The following IL1RAPL2 variants were observed in gnomAD, a reference collection of about 807,000 sequenced individuals.
IL1RAPL2 encodes the protein interleukin 1 receptor accessory protein like 2.
A neutral mutation model predicts 44.1 loss-of-function variants in IL1RAPL2; 3 were observed. The ratio of observed to expected loss-of-function variants is 0.07; its 90% CI spans 0.03 to 0.18. The LOEUF (loss-of-function observed/expected upper bound fraction) is 0.18, where lower values mean the gene tolerates loss of function less well. Among genes scored for constraint, IL1RAPL2 ranks in the 10% least tolerant of loss-of-function variants. IL1RAPL2 has a pLI of 1.00. For missense variants in IL1RAPL2, 391 were observed against 496.4 expected, an observed-to-expected ratio of 0.79 and a Z score of 2.02; for synonymous variants, 181 against 178.8, an observed-to-expected ratio of 1.01 and a Z score of -0.10.
intron 2 of IL1RAPL2, among the ~76,000 whole-genome samples, chrX:104,721,784 A>G (rs960878334): frequency 1.4e-4 from 16 of 111,782 alleles, no homozygotes; most frequent in African/African-American, 5.2e-4. Flanking sequence ...TTTCTTTAAG[A>G]CTCAAAAACT....
At chrX:104,749,171 G>A (rs1320645631) in intron 2 of IL1RAPL2, among the ~76,000 whole-genome samples, 1 of 111,276 alleles carries the variant, frequency 9.0e-6, no homozygotes, top group Non-Finnish European at 1.9e-5. Flanking sequence ...GTTAGGAAAT[G>A]TATGAGAAGG....
chrX:105,756,363 A>G (rs1418129201), intron 10 of IL1RAPL2, among the ~76,000 whole-genome samples: 2 of 111,580 alleles, frequency 1.8e-5, no homozygotes, highest in Non-Finnish European at 3.8e-5. Flanking sequence ...CAGTTGGCAA[A>G]TGGTTGAGCT....
intron 2 of IL1RAPL2, among the ~76,000 whole-genome samples, chrX:105,016,879 A>G (rs1425463235): frequency 9.0e-6 from 1 of 111,621 alleles, no homozygotes; most frequent in African/African-American, 3.3e-5. Context: ...GAATAGTTTC[A>G]GAAGGAATGG....
rs142916786 is a variant in IL1RAPL2, at chrX:105,278,848, C to G, written c.697+11307C>G. 4.6e-3 allele frequency among the ~76,000 whole-genome samples: 510 copies of G among 111,241 alleles called. 3 individuals carry two copies. The highest frequency in any genetic ancestry group is 0.016 in the African/African-American group (482 of 30,686). ...ACAAATTACCTGAATGGGTCCTGCTCAATACATGTCACTAGTTCTATTCCT... is the reference window on the plus strand; with the variant it reads ...ACAAATTACCTGAATGGGTCCTGCTGAATACATGTCACTAGTTCTATTCCT... On this transcript the variant is annotated intron_variant, in intron 5 of 10. Coordinates refer to ENST00000372582, the MANE Select transcript of IL1RAPL2 (RefSeq NM_017416.2).
At chrX:105,350,171 C>T (rs772404412) in intron 5 of IL1RAPL2, among the ~76,000 whole-genome samples, 7 of 111,953 alleles carry the variant, frequency 6.3e-5, no homozygotes, top group East Asian at 5.6e-4. Flanking sequence ...GTTCTTGAAA[C>T]GTAGCTTTGA....
At chrX:104,802,515 C>T (rs1187291424) in intron 2 of IL1RAPL2, among the ~76,000 whole-genome samples, 1 of 110,753 alleles carries the variant, frequency 9.0e-6, no homozygotes, top group Non-Finnish European at 1.9e-5. Context: ...ATATGACTAT[C>T]ACCATTTCAC....
At chrX:105,630,500 C>T (rs865874334) in intron 6 of IL1RAPL2, among the ~76,000 whole-genome samples, 3 of 92,758 alleles carry the variant, frequency 3.2e-5, no homozygotes, top group Non-Finnish European at 6.4e-5. Flanking sequence ...AAATTCAGAG[C>T]TTTTTTTTTT....
intron 2 of IL1RAPL2, among the ~76,000 whole-genome samples, chrX:105,187,795 G>A (rs781802871): frequency 3.6e-5 from 4 of 111,429 alleles, no homozygotes; most frequent in South Asian, 3.8e-4. Flanking sequence ...ATAATTTCAG[G>A]ATATCTATTG....
intron 5 of IL1RAPL2, among the ~76,000 whole-genome samples, chrX:105,322,111 C>T (rs1407910916): frequency 8.9e-6 from 1 of 112,649 alleles, no homozygotes; most frequent in Non-Finnish European, 1.9e-5. Context: ...AGCTTGCTCC[C>T]TTGGTGAAGG....
chrX:105,563,193 T>C (rs914632565), intron 6 of IL1RAPL2, among the ~76,000 whole-genome samples: 5 of 111,671 alleles, frequency 4.5e-5, no homozygotes, highest in African/African-American at 1.6e-4. Flanking sequence ...TTCACCAAAA[T>C]CCTGTGAGGT....
At position 105,096,559 on chromosome X, in the gene IL1RAPL2, C is replaced by T. The variant is rs2032605627; in HGVS notation, c.83-98916C>T. Among the ~76,000 whole-genome samples the T allele has an allele frequency of 2.7e-5, 3 of 111,802 alleles. No individual in the cohort carries two copies. The Admixed American group carries it at 2.8e-4, about 11-fold the overall frequency. ...TATACATGATATAACATGGATAAAC[C>T]TTGAAAACATTATGCTAAGTGACAA... On this transcript the variant is annotated intron_variant, in intron 2 of 10. Coordinates refer to ENST00000372582, the MANE Select transcript of IL1RAPL2 (RefSeq NM_017416.2).
intron 2 of IL1RAPL2, among the ~76,000 whole-genome samples, chrX:104,845,881 C>T (rs974125313): frequency 1.8e-5 from 2 of 111,666 alleles, no homozygotes; most frequent in Admixed American, 1.9e-4. Flanking sequence ...CTGATTTCCT[C>T]TAGTCTGGTC....
chrX:105,125,693 A>G (rs1251526066), intron 2 of IL1RAPL2, among the ~76,000 whole-genome samples: 1 of 110,850 alleles, frequency 9.0e-6, no homozygotes, highest in African/African-American at 3.3e-5. Flanking sequence ...GAGTCCACAT[A>G]TACATGGTTT....
intron 5 of IL1RAPL2, among the ~76,000 whole-genome samples, chrX:105,342,050 A>C (rs771281418): frequency 9.2e-6 from 1 of 108,235 alleles, no homozygotes; most frequent in Non-Finnish European, 1.9e-5. Flanking sequence ...TCGGTAAACT[A>C]TCGCAAGGAC....
At chrX:104,854,886 T>C (rs1922316373) in intron 2 of IL1RAPL2, among the ~76,000 whole-genome samples, 1 of 111,433 alleles carries the variant, frequency 9.0e-6, no homozygotes, top group Non-Finnish European at 1.9e-5. Flanking sequence ...TTCCTTAAAT[T>C]GGCGTGGTTT....
intron 2 of IL1RAPL2, among the ~76,000 whole-genome samples, chrX:104,827,324 T>TA (rs1921481593): frequency 9.0e-6 from 1 of 111,392 alleles, no homozygotes; most frequent in Non-Finnish European, 1.9e-5. Context: ...GGCCTGGTGG[T>TA]GACAAAATCC....
At chrX:105,281,583 C>A (rs1046479343) in intron 5 of IL1RAPL2, among the ~76,000 whole-genome samples, 1 of 111,644 alleles carries the variant, frequency 9.0e-6, no homozygotes, top group African/African-American at 3.3e-5. Flanking sequence ...TGTACCTTTT[C>A]TATGTTTAGT....
intron 2 of IL1RAPL2, among the ~76,000 whole-genome samples, chrX:105,131,850 G>A (rs1218220206): frequency 9.0e-6 from 1 of 111,524 alleles, no homozygotes; most frequent in Non-Finnish European, 1.9e-5. Context: ...GAGAGGAAAA[G>A]TAAAGCCCAA....
chrX:104,849,082 A>G (rs1922147727), intron 2 of IL1RAPL2, among the ~76,000 whole-genome samples: 1 of 109,703 alleles, frequency 9.1e-6, no homozygotes, highest in African/African-American at 3.3e-5. Context: ...ATCACAGGGA[A>G]TTTAACTGAG....
Sources: gnomAD v4.1 joint callset for allele counts (sites outside exome capture counted in the v4.1 genomes callset) on GRCh38, gnomAD v4.1.1 for gene constraint, MANE v1.5 for transcripts, NCBI Gene and HGNC (gene_info 2026-07-23, HGNC 2026-07-21) for gene names.